TNS3: variants seen among roughly 807,000 people sequenced by gnomAD.
TNS3 encodes the protein tensin 3, also known as tensin-3.
A neutral mutation model predicts 140.9 loss-of-function variants in TNS3; 45 were observed. The observed-to-expected ratio is 0.32, with a 90% CI of 0.25 to 0.41. TNS3 has a LOEUF of 0.41. Ranked by LOEUF, TNS3 falls within the 10% of genes least tolerant of loss-of-function variation. TNS3 has a pLI of 1.00. For synonymous variants in TNS3, 815 were observed against 788.4 expected (o/e 1.03, Z -0.56); for missense variants, 1,716 against 1,906.7 (o/e 0.90, Z 1.86).
intron 17 of TNS3, among the ~76,000 whole-genome samples, chr7:47,362,448 A>G (rs1295024511): frequency 6.6e-6 from 1 of 152,166 alleles, no homozygotes; most frequent in Non-Finnish European, 1.5e-5. Flanking sequence ...GATCATTTGC[A>G]GTTCCGCCTG....
At chr7:47,364,254 G>A (rs951471517) in intron 17 of TNS3, among the ~76,000 whole-genome samples, 8 of 151,298 alleles carry the variant, frequency 5.3e-5, no homozygotes, top group African/African-American at 1.9e-4. Flanking sequence ...TGCAGTGCCT[G>A]AGAGCTACAG....
chr7:47,439,274 T>C (rs1392044199), intron 6 of TNS3, among the ~76,000 whole-genome samples: 4 of 152,204 alleles, frequency 2.6e-5, no homozygotes, highest in Non-Finnish European at 5.9e-5. Context: ...TCAGCAGTCG[T>C]GTGTCCCTGA....
chr7:47,451,597 C>A (rs1796017599), intron 4 of TNS3, among the ~76,000 whole-genome samples: 1 of 151,948 alleles, frequency 6.6e-6, no homozygotes, highest in Non-Finnish European at 1.5e-5. Flanking sequence ...ATAAATAAAT[C>A]AAAAGAAACA....
intron 15 of TNS3, among the ~76,000 whole-genome samples, chr7:47,398,721 G>A (rs1390522737): frequency 6.6e-6 from 1 of 152,166 alleles, no homozygotes; most frequent in Non-Finnish European, 1.5e-5. Flanking sequence ...ATGTCATACT[G>A]AATGGGGAAA....
At chr7:47,293,030 T>G in intron 25 of TNS3, 125 bp from the exon 26 acceptor site, 1 of 738,968 alleles carries the variant, frequency 1.4e-6, no homozygotes, top group Admixed American at 2.5e-5. Flanking sequence ...GCAACTGGTA[T>G]GTTAGATTAG....
chr7:47,472,326 T>A (rs904664157), intron 4 of TNS3, among the ~76,000 whole-genome samples: 1 of 152,146 alleles, frequency 6.6e-6, no homozygotes, highest in African/African-American at 2.4e-5. Context: ...CTGGGATCCG[T>A]GAGAAGGAGG....
chr7:47,318,535 C>CCAGGGTGAGGGTATGCAAAG (rs1787543936), intron 20 of TNS3, among the ~76,000 whole-genome samples: 1 of 152,136 alleles, frequency 6.6e-6, no homozygotes, highest in African/African-American at 2.4e-5. Context: ...GGCAGTCAGG[C>CCAGGGTGAGGGTATGCAAAG]CAGGGTGAGG....
At chr7:47,380,520 T>C (rs1791688631) in intron 16 of TNS3, among the ~76,000 whole-genome samples, 1 of 152,190 alleles carries the variant, frequency 6.6e-6, no homozygotes, top group Non-Finnish European at 1.5e-5. Context: ...ATAAAGGCAT[T>C]CCTGGACAAG....
rs1308921088 is a variant in TNS3 at position 47,399,485 on chromosome 7, A to T, written c.919+908T>A. 2.0e-5 allele frequency among the ~76,000 whole-genome samples: 3 copies of T among 152,256 alleles called. No individual in the cohort carries two copies. In the East Asian group the frequency reaches 5.8e-4, roughly 29 times the overall value. On this transcript the variant is annotated intron_variant, in intron 15 of 30. Coordinates refer to ENST00000311160, the MANE Select transcript of TNS3 (RefSeq NM_022748.12). ...TCATGGTATAAAAGTAGACACACAG[A>T]TCAATGGAACAGAATAGAGAATCCA... is the stretch of plus-strand genomic sequence containing the variant.
At chr7:47,472,785 G>T (rs1313091426) in intron 4 of TNS3, among the ~76,000 whole-genome samples, 1 of 152,176 alleles carries the variant, frequency 6.6e-6, no homozygotes, top group Non-Finnish European at 1.5e-5. Context: ...AAGCAACAGA[G>T]AACCAGCCTG....
chr7:47,481,912 T>A (rs1797433513), intron 3 of TNS3, among the ~76,000 whole-genome samples: 1 of 152,162 alleles, frequency 6.6e-6, no homozygotes, highest in African/African-American at 2.4e-5. Context: ...AGTTTCCACA[T>A]CTGAAAACTG....
intron 4 of TNS3, among the ~76,000 whole-genome samples, chr7:47,447,723 G>A (rs1343655380): frequency 6.6e-6 from 1 of 152,116 alleles, no homozygotes; most frequent in Non-Finnish European, 1.5e-5. Flanking sequence ...CACACCCTAG[G>A]CTTCACCCTA....
intron 8 of TNS3, 30 bp from the exon 9 acceptor site, chr7:47,428,406 CT>C (rs1242578266): frequency 1.5e-6 from 2 of 1,377,354 alleles, no homozygotes; most frequent in Non-Finnish European, 1.9e-6. Flanking sequence ...AGCTGATTTT[CT>C]CTGAAATCCC....
chr7:47,538,865 T>C (rs1319044708), intron 1 of TNS3, among the ~76,000 whole-genome samples: 1 of 152,214 alleles, frequency 6.6e-6, no homozygotes, highest in African/African-American at 2.4e-5. Context: ...TTCATCATTT[T>C]TTTCCTATAG....
chr7:47,366,913 T>C (rs1192510194), intron 17 of TNS3, among the ~76,000 whole-genome samples: 3 of 152,206 alleles, frequency 2.0e-5, no homozygotes, highest in African/African-American at 7.2e-5. Context: ...GGGAATCACA[T>C]GCACGGCGTC....
chr7:47,452,764 C>G (rs1248543987), intron 4 of TNS3, among the ~76,000 whole-genome samples: 1 of 152,182 alleles, frequency 6.6e-6, no homozygotes, highest in Non-Finnish European at 1.5e-5. Context: ...GACACAAGGT[C>G]CCACCGAACA....
intron 4 of TNS3, among the ~76,000 whole-genome samples, chr7:47,465,722 C>T (rs1308797767): frequency 1.3e-5 from 2 of 151,918 alleles, no homozygotes; most frequent in Admixed American, 6.6e-5. Context: ...GTCAGGAGTT[C>T]GAGACAAGCC....
At chr7:47,405,526 G>T in intron 13 of TNS3, 1 of 702,982 alleles carries the variant, frequency 1.4e-6, no homozygotes, top group Admixed American at 2.0e-5. Context: ...AGCTGAAAAT[G>T]ACTTCAGATG....
chr7:47,499,479 G>A (rs1188111225), intron 3 of TNS3, among the ~76,000 whole-genome samples: 1 of 152,228 alleles, frequency 6.6e-6, no homozygotes, highest in Non-Finnish European at 1.5e-5. Context: ...TACCCACCTT[G>A]AGTAGGTGAA....
Sources: gnomAD v4.1 joint callset for allele counts (sites outside exome capture counted in the v4.1 genomes callset) on GRCh38, gnomAD v4.1.1 for gene constraint, MANE v1.5 for transcripts, NCBI Gene and HGNC (gene_info 2026-07-23, HGNC 2026-07-21) for gene names.